MCCC1: variants seen among roughly 807,000 people sequenced by gnomAD.
MCCC1 encodes the protein methylcrotonoyl-CoA carboxylase subunit alpha, mitochondrial.
Under a neutral mutation model 83.8 loss-of-function variants are expected in MCCC1, and 64 were observed. The observed-to-expected ratio is 0.76, with a 90% CI of 0.62 to 0.94. The LOEUF is 0.94. Ranked by LOEUF, MCCC1 falls within the 40% of genes least tolerant of loss-of-function variation. MCCC1 has a pLI of 0.00. For synonymous variants in MCCC1, 322 were observed against 315.4 expected, an observed-to-expected ratio of 1.02 and a Z score of -0.22; for missense variants, 807 against 904.7, an observed-to-expected ratio of 0.89 and a Z score of 1.39.
At chr3:183,084,420 A>G (rs1329599374) in intron 4 of MCCC1, among the ~76,000 whole-genome samples, 2 of 152,210 alleles carry the variant, frequency 1.3e-5, no homozygotes, top group African/African-American at 4.8e-5. Context: ...TCCTAAGGAC[A>G]TGTGAGATAC....
chr3:183,054,833 T>G (rs1715287877), intron 8 of MCCC1, among the ~76,000 whole-genome samples: 1 of 152,144 alleles, frequency 6.6e-6, no homozygotes, highest in Admixed American at 6.5e-5. Context: ...TTTTCTACGT[T>G]TATATATGTT....
At chr3:183,029,312 G>A (rs1712858379) in intron 14 of MCCC1, 1 of 152,208 alleles carries the variant, frequency 6.6e-6, no homozygotes, top group Admixed American at 6.5e-5. Context: ...TTCTCCAGGT[G>A]ACCTCCGATT....
At chr3:183,022,986 A>G (rs1323719616) in intron 15 of MCCC1, among the ~76,000 whole-genome samples, 1 of 152,226 alleles carries the variant, frequency 6.6e-6, no homozygotes, top group Non-Finnish European at 1.5e-5. Flanking sequence ...GTCACCAAAA[A>G]AATGCCAGAA....
At chr3:183,097,210 G>A (rs1196098013) in intron 1 of MCCC1, among the ~76,000 whole-genome samples, 4 of 151,648 alleles carry the variant, frequency 2.6e-5, no homozygotes, top group African/African-American at 7.3e-5. Flanking sequence ...ACTGCAGTCC[G>A]CAGTCCGGCC....
intron 14 of MCCC1, among the ~76,000 whole-genome samples, chr3:183,028,612 T>C (rs972549268): frequency 3.9e-5 from 6 of 152,200 alleles, no homozygotes; most frequent in Non-Finnish European, 8.8e-5. Flanking sequence ...TTAGAAGACG[T>C]TAATGACTCA....
intron 15 of MCCC1, among the ~76,000 whole-genome samples, chr3:183,023,302 A>T (rs866302689): frequency 1.3e-5 from 2 of 152,212 alleles, no homozygotes; most frequent in Non-Finnish European, 2.9e-5. Flanking sequence ...TACGTACACT[A>T]AGGTGAAATA....
At chr3:183,055,832 A>AG (rs1358609690) in intron 8 of MCCC1, among the ~76,000 whole-genome samples, 6 of 152,122 alleles carry the variant, frequency 3.9e-5, no homozygotes, top group African/African-American at 1.2e-4. Flanking sequence ...CAGGAGTTGG[A>AG]GACTGCAGTG....
At chr3:183,089,824 C>A (rs1718184670) in intron 3 of MCCC1, among the ~76,000 whole-genome samples, 1 of 152,068 alleles carries the variant, frequency 6.6e-6, no homozygotes, top group Non-Finnish European at 1.5e-5. Context: ...GTGTTGTACT[C>A]TACGGGGTTA....
chr3:183,047,755 T>C (rs1350271195), intron 9 of MCCC1, among the ~76,000 whole-genome samples: 1 of 150,608 alleles, frequency 6.6e-6, no homozygotes, highest in Non-Finnish European at 1.5e-5. Flanking sequence ...ACCTCTGAAC[T>C]TGAGGATATG....
chr3:183,107,418 A>C lies in MCCC1; in HGVS notation c.-102+8056T>G, dbSNP rs150019694. Among the ~76,000 whole-genome samples, 68 of 141,750 alleles carry C rather than the reference A, an allele frequency of 4.8e-4. 2 individuals carry two copies. The East Asian group carries it at 0.013, about 27-fold the overall frequency. 93.0% of individuals were successfully genotyped at this position (141,750 alleles called of 152,430 possible). A position where few individuals can be genotyped will look rare whatever the true frequency, so the allele number is the denominator to read the frequency against. On this transcript the variant is annotated intron_variant, in intron 1 of 17. Coordinates refer to the MCCC1 transcript ENST00000492597. ...AGCGAAACTCCATCTCAAAAAAAAA[A>C]AAAGAAAAAGAAAAAGAAAAAGAAA... is the stretch of plus-strand genomic sequence containing the variant.
chr3:183,075,563 CA>C (rs1560262304), intron 4 of MCCC1, among the ~76,000 whole-genome samples: 2 of 149,396 alleles, frequency 1.3e-5, no homozygotes, highest in African/African-American at 4.9e-5. Flanking sequence ...TTTTTTGAGA[CA>C]GAGTCTTGCT....
chr3:183,030,233 G>A (rs530933136), intron 14 of MCCC1, among the ~76,000 whole-genome samples: 102 of 152,198 alleles, frequency 6.7e-4, no homozygotes, highest in African/African-American at 2.2e-3. Context: ...GCTTGAACCC[G>A]GGAGGCAGAA....
intron 7 of MCCC1, among the ~76,000 whole-genome samples, chr3:183,069,017 T>C (rs1238674419): frequency 6.6e-6 from 1 of 152,216 alleles, no homozygotes; most frequent in Non-Finnish European, 1.5e-5. Flanking sequence ...CACATGACTG[T>C]ATATAAGAAT....
At chr3:183,107,040 A>T (rs1200885140) in intron 1 of MCCC1, among the ~76,000 whole-genome samples, 2 of 152,176 alleles carry the variant, frequency 1.3e-5, no homozygotes, top group African/African-American at 4.8e-5. Context: ...GAAGATTGTG[A>T]AGTTAACACT....
At chr3:183,100,910 C>T (rs2108579899), upstream of MCCC1, among the ~76,000 whole-genome samples, 2 of 152,356 alleles carry the variant, frequency 1.3e-5, no homozygotes, top group Middle Eastern at 6.8e-3. Context: ...GAGACACGAG[C>T]GGGAACTGGG....
intron 17 of MCCC1, among the ~76,000 whole-genome samples, chr3:183,019,146 T>A (rs1169801893): frequency 6.6e-6 from 1 of 152,170 alleles, no homozygotes; most frequent in Non-Finnish European, 1.5e-5. Context: ...ATTTAAGTAG[T>A]TATTTTCTTC....
intron 8 of MCCC1, among the ~76,000 whole-genome samples, chr3:183,054,274 C>A (rs2108501073): frequency 6.6e-6 from 1 of 151,600 alleles, no homozygotes; most frequent in Admixed American, 6.6e-5. Flanking sequence ...CAAGCTCCGC[C>A]TCCCGGGTTC....
chr3:183,047,111 C>A (rs1714613954), intron 9 of MCCC1, among the ~76,000 whole-genome samples: 2 of 152,164 alleles, frequency 1.3e-5, no homozygotes, highest in Admixed American at 1.3e-4. Flanking sequence ...TTGAAATACA[C>A]CAAAACATTC....
chr3:183,026,761 G>A (rs1384833605), intron 14 of MCCC1, among the ~76,000 whole-genome samples: 1 of 152,164 alleles, frequency 6.6e-6, no homozygotes, highest in Non-Finnish European at 1.5e-5. Flanking sequence ...GGTTGAGAAT[G>A]GAATCTGCCA....
Sources: gnomAD v4.1 joint callset for allele counts (sites outside exome capture counted in the v4.1 genomes callset) on GRCh38, gnomAD v4.1.1 for gene constraint, MANE v1.5 for transcripts, NCBI Gene and HGNC (gene_info 2026-07-23, HGNC 2026-07-21) for gene names.